Variants in MACF1 observed in about 807,000 individuals in gnomAD.
The protein encoded by MACF1 is microtubule actin crosslinking factor 1.
In MACF1, 193 loss-of-function variants were observed where a neutral mutation model predicts 854.8. That is an observed-to-expected ratio of 0.23 (90% CI 0.20 to 0.25). MACF1 has a LOEUF of 0.25. Ranked by LOEUF, MACF1 falls within the 10% of genes least tolerant of loss-of-function variation. The pLI, the probability that MACF1 is intolerant of heterozygous loss-of-function variation, is 1.00. For missense variants in MACF1, 7,722 were observed against 8,929.1 expected (o/e 0.86, Z 5.45); for synonymous variants, 3,185 against 3,226.7 (o/e 0.99, Z 0.44).
chr1:39,397,638 C>T (rs1469872239), intron 58 of MACF1, among the ~76,000 whole-genome samples: 2 of 151,880 alleles, frequency 1.3e-5, no homozygotes, highest in Non-Finnish European at 2.9e-5. Flanking sequence ...CTTACATTAG[C>T]CTACAGTTAG....
chr1:39,383,519 A>T (rs1384680696), intron 56 of MACF1, among the ~76,000 whole-genome samples: 1 of 152,230 alleles, frequency 6.6e-6, no homozygotes, highest in Non-Finnish European at 1.5e-5. Context: ...AAACCATCAC[A>T]TTAACGTAAG....
In MACF1 at chr1:39,484,595, T is replaced by G. The variant is rs756614146; in HGVS notation, c.22282-6T>G. 1.2e-5 allele frequency: 20 copies of G among 1,604,248 alleles called. No individual in the cohort carries two copies. The highest frequency in any genetic ancestry group is 1.7e-4 in the Middle Eastern group (1 of 6,020). ...AAAATGTGACCTTTTTATTATTTTT[T>G]TTAAGGTTATCCCATCATCAGGTAG... On this transcript the variant is annotated splice_region_variant and splice_polypyrimidine_tract_variant and intron_variant, in intron 99 of 100. Transcript: ENST00000564288.
At chr1:39,172,791 A>T (rs1402932039) in intron 2 of MACF1, among the ~76,000 whole-genome samples, 1 of 152,158 alleles carries the variant, frequency 6.6e-6, no homozygotes, top group Non-Finnish European at 1.5e-5. Context: ...AGCTTCAGAG[A>T]CTTTATTATA....
At chr1:39,357,318 A>G in intron 44 of MACF1, 57 bp from the exon 45 acceptor site, 2 of 1,564,708 alleles carry the variant, frequency 1.3e-6, no homozygotes, top group South Asian at 1.2e-5. Context: ...GTATACCTCA[A>G]ATTATTGTGG....
chr1:39,234,179 A>G (rs1460013723), intron 2 of MACF1, among the ~76,000 whole-genome samples: 1 of 151,500 alleles, frequency 6.6e-6, no homozygotes. Flanking sequence ...AAAGTCTCCC[A>G]TGTCTACTTC....
chr1:39,467,590 A>G (rs1644697012), intron 95 of MACF1, among the ~76,000 whole-genome samples: 1 of 152,212 alleles, frequency 6.6e-6, no homozygotes, highest in East Asian at 1.9e-4. Flanking sequence ...TGGGCAAGAA[A>G]AAAGGGAAAA....
chr1:39,473,396 T>G (rs1471799191), intron 97 of MACF1, among the ~76,000 whole-genome samples: 1 of 152,252 alleles, frequency 6.6e-6, no homozygotes, highest in African/African-American at 2.4e-5. Context: ...TTGTAGTATC[T>G]TTCTTATGGA....
rs1439523892 is a variant in MACF1 at position 39,382,101 on chromosome 1, G to A, written c.13797G>A (p.Gly4599=). The A allele has an allele frequency of 2.5e-6, 4 of 1,614,042 alleles. No homozygotes were observed. Among genetic ancestry groups the A allele is most frequent in the Non-Finnish European group, 3.4e-6 (4 of 1,180,008 alleles). The change falls in exon 56 of 101, where the codon GGG becomes GGA. Residue 4599 remains glycine, a synonymous_variant. Transcript: ENST00000564288. ...AAGAACTGATGATGGGAGTGCTGGG[G>A]CCCCTGTCTATTGACCCCAACATGT... ...MEKELMMGVL[G]PLSIDPNMLN...
chr1:39,193,120 A>T (rs773792447), intron 2 of MACF1, among the ~76,000 whole-genome samples: 4 of 146,816 alleles, frequency 2.7e-5, no homozygotes, highest in Admixed American at 1.4e-4. Flanking sequence ...CTCAAAAATT[A>T]AAAAAAAAAA....
Position 39,332,581 on chromosome 1 carries a change from A to G in MACF1, c.5993A>G (p.Tyr1998Cys), listed in dbSNP as rs760708463. The G allele has an allele frequency of 6.2e-7, 1 of 1,614,044 alleles. No individual in the cohort carries two copies. The highest frequency in any genetic ancestry group is 2.2e-5 in the East Asian group (1 of 44,894). Residue 1998 changes from tyrosine (Y) to cysteine (C), a missense_variant, in exon 37 of 101, where the codon TAT becomes TGT. By Grantham distance (194) the Tyr-to-Cys change is radical. Transcript: ENST00000564288. ...GAGACACTAACATCCAGAGATGAGT[A>G]TCAAACAAGTCCTCCAAAAGTGGTT... ...LMETLTSRDE[Y>C]QTSPPKVVEI... is the part of the protein sequence containing the mutation.
At chr1:39,132,941 C>G (rs923363348) in intron 2 of MACF1, among the ~76,000 whole-genome samples, 1 of 152,192 alleles carries the variant, frequency 6.6e-6, no homozygotes, top group African/African-American at 2.4e-5. Flanking sequence ...AGCCCCTTCT[C>G]CCCCATAGGT....
At chr1:39,316,119 G>A (rs1646407929) in intron 27 of MACF1, among the ~76,000 whole-genome samples, 1 of 152,196 alleles carries the variant, frequency 6.6e-6, no homozygotes, top group African/African-American at 2.4e-5. Flanking sequence ...TCTTCATAGT[G>A]TAAAATGGGT....
At chr1:39,390,920 A>G (rs1049098800) in intron 58 of MACF1, among the ~76,000 whole-genome samples, 1 of 152,142 alleles carries the variant, frequency 6.6e-6, no homozygotes, top group East Asian at 1.9e-4. Context: ...ATCCTGGCTA[A>G]CACGGTGAAA....
intron 80 of MACF1, 41 bp downstream of exon 80, chr1:39,444,876 G>A (rs920434304): frequency 6.7e-7 from 1 of 1,499,744 alleles, no homozygotes; most frequent in Admixed American, 2.1e-5. Context: ...TTTGCTGAGT[G>A]ATTGCATGTA....
chr1:39,439,198 A>T, intron 71 of MACF1, 76 bp from the exon 72 acceptor site: 1 of 733,468 alleles, frequency 1.4e-6, no homozygotes. Flanking sequence ...GGTCAGAGTT[A>T]CATGGAATTT....
chr1:39,244,830 C>T (rs750505454), intron 2 of MACF1, among the ~76,000 whole-genome samples: 8 of 151,924 alleles, frequency 5.3e-5, no homozygotes, highest in Admixed American at 6.6e-5. Flanking sequence ...CCATCTGCCT[C>T]GGCTTCCCAA....
chr1:39,260,941 A>G (rs185394855), intron 6 of MACF1, among the ~76,000 whole-genome samples: 1 of 152,306 alleles, frequency 6.6e-6, no homozygotes, highest in African/African-American at 2.4e-5. Flanking sequence ...TTTGTAATAT[A>G]TATGAATCCA....
Position 39,166,643 on chromosome 1 carries a change from G to A in MACF1, c.221-64539G>A, listed in dbSNP as rs58443603. Among the ~76,000 whole-genome samples the A allele has an allele frequency of 7.5e-3, 1,140 of 151,844 alleles. 10 individuals are homozygous for A. The highest frequency in any genetic ancestry group is 0.017 in the Middle Eastern group (5 of 286). On this transcript the variant is annotated intron_variant, in intron 2 of 93. Coordinates refer to the MACF1 transcript ENST00000361689. Reference sequence around the variant, plus strand: ...ATTTTTTGTATTTTTAGTAGAGACGGGGTTTCACCATGTTGCCCAGGCTAG... The same window carrying A: ...ATTTTTTGTATTTTTAGTAGAGACGAGGTTTCACCATGTTGCCCAGGCTAG...
intron 49 of MACF1, among the ~76,000 whole-genome samples, chr1:39,367,874 G>A (rs1486869607): frequency 6.6e-6 from 1 of 151,772 alleles, no homozygotes; most frequent in Non-Finnish European, 1.5e-5. Context: ...AGATGCTGAG[G>A]CAGGAGAATC....
Sources: gnomAD v4.1 joint callset for allele counts (sites outside exome capture counted in the v4.1 genomes callset) on GRCh38, gnomAD v4.1.1 for gene constraint, MANE v1.5 for transcripts, NCBI Gene and HGNC (gene_info 2026-07-23, HGNC 2026-07-21) for gene names.